Variants in COG5 observed in about 807,000 individuals in gnomAD.
COG5 encodes component of oligomeric golgi complex 5, also known as conserved oligomeric Golgi complex subunit 5.
A neutral mutation model predicts 110.4 loss-of-function variants in COG5; 86 were observed. That is an observed-to-expected ratio of 0.78 (90% CI 0.65 to 0.93). COG5 has a LOEUF of 0.93. COG5 is among the 40% of genes least tolerant of loss of function. COG5 has a pLI of 0.00. For missense variants in COG5, 1,077 were observed against 987.0 expected (o/e 1.09, Z -1.22); for synonymous variants, 360 against 334.6 (o/e 1.08, Z -0.83).
At chr7:107,212,937 G>C (rs1383457328) in intron 19 of COG5, among the ~76,000 whole-genome samples, 1 of 152,220 alleles carries the variant, frequency 6.6e-6, no homozygotes, top group Non-Finnish European at 1.5e-5. Flanking sequence ...ACTGAAAGTA[G>C]AGATCTAGCT....
At chr7:107,286,262 A>G (rs1241246826) in intron 12 of COG5, among the ~76,000 whole-genome samples, 1 of 152,194 alleles carries the variant, frequency 6.6e-6, no homozygotes, top group East Asian at 1.9e-4. Context: ...GATGGACGTC[A>G]TGTTAGGCTT....
chr7:107,507,839 T>C (rs1313917673), intron 6 of COG5, among the ~76,000 whole-genome samples: 1 of 152,216 alleles, frequency 6.6e-6, no homozygotes, highest in Non-Finnish European at 1.5e-5. Context: ...ACTACCCCTC[T>C]CTTCCACAAT....
chr7:107,259,881 T>A (rs1803192638), intron 14 of COG5, among the ~76,000 whole-genome samples: 1 of 152,016 alleles, frequency 6.6e-6, no homozygotes, highest in Admixed American at 6.6e-5. Context: ...TATAGACAGG[T>A]CCAAGTCACA....
At chr7:107,543,209 G>C (rs190956722) in intron 5 of COG5, among the ~76,000 whole-genome samples, 78 of 152,202 alleles carry the variant, frequency 5.1e-4, no homozygotes, top group African/African-American at 1.7e-3. Flanking sequence ...AACCAGGTAA[G>C]ACATTACAGC....
intron 14 of COG5, among the ~76,000 whole-genome samples, chr7:107,275,289 TAAA>T (rs34102814): frequency 1.4e-5 from 2 of 138,108 alleles, no homozygotes. Context: ...CCCCATCTCT[TAAA>T]AAAAAAAAAA....
intron 12 of COG5, among the ~76,000 whole-genome samples, chr7:107,295,014 CACAT>C (rs1164774015): frequency 1.7e-5 from 2 of 116,252 alleles, no homozygotes; most frequent in African/African-American, 6.1e-5. Context: ...TATATATACA[CACAT>C]ATATATATAC....
At chr7:107,297,107 T>C (rs563138485) in intron 12 of COG5, among the ~76,000 whole-genome samples, 2 of 152,204 alleles carry the variant, frequency 1.3e-5, no homozygotes, top group African/African-American at 4.8e-5. Flanking sequence ...CCTAAGAGAT[T>C]TTCAGGGGTA....
intron 7 of COG5, among the ~76,000 whole-genome samples, chr7:107,396,584 A>C (rs1216937562): frequency 2.0e-5 from 3 of 151,956 alleles, no homozygotes; most frequent in Non-Finnish European, 4.4e-5. Context: ...AATGAAGATG[A>C]ACATGGATTA....
chr7:107,432,877 G>A (rs1331171444), intron 6 of COG5, among the ~76,000 whole-genome samples: 1 of 151,964 alleles, frequency 6.6e-6, no homozygotes, highest in African/African-American at 2.4e-5. Flanking sequence ...AATTGGAAAG[G>A]AAGAAGTAAA....
chr7:107,425,303 A>G (rs1793569058), intron 6 of COG5, among the ~76,000 whole-genome samples: 1 of 151,600 alleles, frequency 6.6e-6, no homozygotes, highest in South Asian at 2.1e-4. Flanking sequence ...TATAGTATAA[A>G]GCACTTACAA....
At chr7:107,293,560 T>A (rs868336981) in intron 12 of COG5, among the ~76,000 whole-genome samples, 1 of 152,152 alleles carries the variant, frequency 6.6e-6, no homozygotes, top group Admixed American at 6.5e-5. Flanking sequence ...CTTAGGACCA[T>A]TTCTGGACTC....
chr7:107,246,526 CA>C (rs1170632378), intron 17 of COG5, among the ~76,000 whole-genome samples: 1 of 152,086 alleles, frequency 6.6e-6, no homozygotes, highest in Non-Finnish European at 1.5e-5. Flanking sequence ...AAGGGAAAAA[CA>C]AACAACCCCA....
intron 7 of COG5, among the ~76,000 whole-genome samples, chr7:107,395,327 A>G (rs1199447446): frequency 6.7e-6 from 1 of 148,958 alleles, no homozygotes; most frequent in East Asian, 1.9e-4. Context: ...GGTGGGAAGT[A>G]GAAAGAAAGA....
At position 107,334,216 on chromosome 7, in the gene COG5, G is replaced by C. The variant is rs536636950; in HGVS notation, c.1027-9695C>G. Among the ~76,000 whole-genome samples the C allele has an allele frequency of 3.3e-5, 5 of 152,196 alleles. No individual in the cohort carries two copies. The East Asian group carries it at 9.7e-4, about 29-fold the overall frequency. On this transcript the variant is annotated intron_variant, in intron 10 of 21. Coordinates refer to ENST00000297135, the MANE Select transcript of COG5 (RefSeq NM_006348.5). Reference sequence around the variant, plus strand: ...TATCCACACTATAGAATACTATTCAGCCATAAAAAGAATGAAATCCTGTCA... The same window carrying C: ...TATCCACACTATAGAATACTATTCACCCATAAAAAGAATGAAATCCTGTCA...
At chr7:107,294,909 G>A (rs1806499254) in intron 12 of COG5, among the ~76,000 whole-genome samples, 2 of 85,312 alleles carry the variant, frequency 2.3e-5, no homozygotes, top group Non-Finnish European at 5.3e-5. Context: ...GTGTGTGTGT[G>A]TGTGTGTGTG....
At chr7:107,344,673 C>A (rs146854726) in intron 10 of COG5, among the ~76,000 whole-genome samples, 1 of 152,090 alleles carries the variant, frequency 6.6e-6, no homozygotes, top group African/African-American at 2.4e-5. Flanking sequence ...TACAGGCATG[C>A]GCCACCACAC....
intron 12 of COG5, among the ~76,000 whole-genome samples, chr7:107,293,029 T>C (rs1276174702): frequency 6.6e-6 from 1 of 152,184 alleles, no homozygotes. Flanking sequence ...CATCTTGTTA[T>C]TGGGCAGCAA....
chr7:107,539,406 G>A (rs1283696711), intron 5 of COG5, among the ~76,000 whole-genome samples: 2 of 152,100 alleles, frequency 1.3e-5, no homozygotes, highest in African/African-American at 4.8e-5. Flanking sequence ...GCTACAATAT[G>A]GATGAACCTT....
chr7:107,278,264 G>A (rs768513677), intron 14 of COG5, among the ~76,000 whole-genome samples: 3 of 150,490 alleles, frequency 2.0e-5, no homozygotes, highest in Admixed American at 6.6e-5. Flanking sequence ...TTCTTCCTTC[G>A]TTTCTGTTCT....
Sources: gnomAD v4.1 joint callset for allele counts (sites outside exome capture counted in the v4.1 genomes callset) on GRCh38, gnomAD v4.1.1 for gene constraint, MANE v1.5 for transcripts, NCBI Gene and HGNC (gene_info 2026-07-23, HGNC 2026-07-21) for gene names.